Variants in PAPPA observed in about 807,000 individuals in gnomAD.
PAPPA encodes the protein pappalysin 1.
In PAPPA, 60 loss-of-function variants were observed where a neutral mutation model predicts 164.0. That is an observed-to-expected ratio of 0.37 (90% CI 0.30 to 0.45). The LOEUF (loss-of-function observed/expected upper bound fraction) is 0.45. Among genes scored for constraint, PAPPA ranks in the 20% least tolerant of loss-of-function variants. The probability of loss-of-function intolerance (pLI) is 1.00; values close to 1 mark genes in which losing one functional copy is unlikely to be tolerated. For synonymous variants in PAPPA, 875 were observed against 814.1 expected, an observed-to-expected ratio of 1.07 and a Z score of -1.27; for missense variants, 1,782 against 2,087.3, an observed-to-expected ratio of 0.85 and a Z score of 2.85.
At chr9:116,248,102 G>A (rs1373351481) in intron 7 of PAPPA, among the ~76,000 whole-genome samples, 1 of 152,194 alleles carries the variant, frequency 6.6e-6, no homozygotes, top group Non-Finnish European at 1.5e-5. Context: ...ATGTGTAAAA[G>A]GCAAACACTC....
In PAPPA at chr9:116,312,079, A is replaced by G. The variant is rs531508203; in HGVS notation, c.3147+9129A>G. Among the ~76,000 whole-genome samples the G allele has an allele frequency of 2.0e-5, 3 of 151,944 alleles. No homozygotes were observed. In the East Asian group the frequency reaches 5.8e-4, roughly 29 times the overall value. On this transcript the variant is annotated intron_variant, in intron 10 of 21. Transcript: ENST00000328252. ...ATGTAGACTAGATAAAACCCTGCCAACCCCTTCCATGGCCCATCTAGGAAG... is the reference window on the plus strand; with the variant it reads ...ATGTAGACTAGATAAAACCCTGCCAGCCCCTTCCATGGCCCATCTAGGAAG...
chr9:116,347,288 G>T lies in PAPPA; in HGVS notation c.3964+79G>T, dbSNP rs1282118724. 14 of 1,284,574 alleles carry T rather than the reference G, an allele frequency of 1.1e-5. 1 individual carries two copies. In the Middle Eastern group the frequency reaches 9.2e-4, roughly 85 times the overall value. 79.6% of individuals were successfully genotyped at this position (1,284,574 alleles called of 1,614,324 possible). ...AAGCTGCATCCAGGCCCTCTTTCTG[G>T]GTCTCAAACACCAAGGGTGGGATGG... On this transcript the variant is annotated intron_variant, in intron 15 of 21. Coordinates refer to ENST00000328252, the MANE Select transcript of PAPPA (RefSeq NM_002581.5). The surrounding 1 kb of genome is among the most constrained non-coding windows in gnomAD (Gnocchi z 4.5).
chr9:116,272,791 C>A (rs1193090734), intron 9 of PAPPA, among the ~76,000 whole-genome samples: 1 of 152,158 alleles, frequency 6.6e-6, no homozygotes, highest in East Asian at 1.9e-4. Context: ...GTGGAAAGAA[C>A]TTTGGATTAA....
intron 1 of PAPPA, among the ~76,000 whole-genome samples, chr9:116,176,829 T>C (rs558466469): frequency 2.7e-4 from 41 of 152,046 alleles, no homozygotes; most frequent in East Asian, 2.5e-3. Context: ...GAAATAAAAA[T>C]GGAGTTGACA....
At chr9:116,237,009 A>G (rs897681263) in intron 7 of PAPPA, among the ~76,000 whole-genome samples, 4 of 152,256 alleles carry the variant, frequency 2.6e-5, no homozygotes, top group Admixed American at 6.5e-5. Context: ...TGGTTTCTAT[A>G]GGCCTTTTGT....
intron 1 of PAPPA, among the ~76,000 whole-genome samples, chr9:116,160,575 ATGAG>A (rs1710538286): frequency 6.6e-6 from 1 of 152,204 alleles, no homozygotes; most frequent in Non-Finnish European, 1.5e-5. Context: ...GGTGTCTCCA[ATGAG>A]GAGAAGAGAA....
chr9:116,285,406 T>A (rs976037525), intron 9 of PAPPA, among the ~76,000 whole-genome samples: 1 of 152,076 alleles, frequency 6.6e-6, no homozygotes, highest in Non-Finnish European at 1.5e-5. Flanking sequence ...TGACCTTGTG[T>A]CCTGCCCACC....
In PAPPA at chr9:116,402,162, C is replaced by T. The variant is rs1357818525; in HGVS notation, c.*5546C>T. 1 of 152,254 alleles carries T rather than the reference C, an allele frequency of 6.6e-6. No homozygotes were observed. Among genetic ancestry groups the T allele is most frequent in the South Asian group, 2.1e-4 (1 of 4,812 alleles). 9.4% of individuals were successfully genotyped at this position (152,254 alleles called of 1,614,324 possible). ...TTTTGCTGTTCATGATATTTTTATC[C>T]TGTTCTCATGGATTTGTTTTCCCAT... On this transcript the variant is annotated 3_prime_UTR_variant, in exon 22 of 22. Coordinates refer to ENST00000328252, the MANE Select transcript of PAPPA (RefSeq NM_002581.5).
At position 116,299,661 on chromosome 9, in the gene PAPPA, A is replaced by G. The variant is rs200426729; in HGVS notation, c.2954-3096A>G. ...CAAGAGGTTGTTTTCGTCATTCTGT[A>G]GCTGTGGCATGTAGGGAGAAGATTT... On this transcript the variant is annotated intron_variant, in intron 9 of 21. Coordinates refer to ENST00000328252, the MANE Select transcript of PAPPA (RefSeq NM_002581.5). 1.4e-4 allele frequency among the ~76,000 whole-genome samples: 21 copies of G among 152,222 alleles called. No homozygotes were observed. The East Asian group carries it at 3.9e-3, about 28-fold the overall frequency.
At position 116,398,528 on chromosome 9, in the gene PAPPA, T is replaced by C; in HGVS notation, c.*1912T>C. ...AAAAATAACTTTAGGAACCACCATATTATATCACTCCCAATAGCACTGACC... is the reference window on the plus strand; with the variant it reads ...AAAAATAACTTTAGGAACCACCATACTATATCACTCCCAATAGCACTGACC... On this transcript the variant is annotated 3_prime_UTR_variant, in exon 22 of 22. Coordinates refer to ENST00000328252, the MANE Select transcript of PAPPA (RefSeq NM_002581.5). 1 of 1,253,264 alleles carries C rather than the reference T, an allele frequency of 8.0e-7. No individual in the cohort carries two copies. The highest frequency in any genetic ancestry group is 1.0e-6 in the Non-Finnish European group (1 of 968,008). The allele number at this position is 1,253,264 out of a possible 1,614,324, so 77.6% of individuals were successfully genotyped here.
At chr9:116,214,434 A>G (rs1844346528) in intron 4 of PAPPA, among the ~76,000 whole-genome samples, 1 of 152,190 alleles carries the variant, frequency 6.6e-6, no homozygotes, top group Non-Finnish European at 1.5e-5. Flanking sequence ...CAGCATCACA[A>G]AGATAAAACA....
At chr9:116,328,139 C>T (rs577981570) in intron 10 of PAPPA, among the ~76,000 whole-genome samples, 1 of 152,194 alleles carries the variant, frequency 6.6e-6, no homozygotes, top group African/African-American at 2.4e-5. Flanking sequence ...ATAAGACCCC[C>T]AATCCAGCCT....
At chr9:116,392,529 A>G (rs760794652) in intron 21 of PAPPA, among the ~76,000 whole-genome samples, 2 of 152,200 alleles carry the variant, frequency 1.3e-5, no homozygotes, top group Non-Finnish European at 2.9e-5. Context: ...TGTGTGTACA[A>G]TGGTATTCAC....
intron 1 of PAPPA, among the ~76,000 whole-genome samples, chr9:116,168,801 C>T (rs560242453): frequency 4.0e-4 from 61 of 152,302 alleles, no homozygotes; most frequent in African/African-American, 1.3e-3. Context: ...GCCAATGCAA[C>T]TCCTTATCTT....
intron 4 of PAPPA, among the ~76,000 whole-genome samples, chr9:116,212,322 T>G (rs1405437628): frequency 6.6e-6 from 1 of 152,210 alleles, no homozygotes; most frequent in Admixed American, 6.5e-5. Context: ...GTATGATTTT[T>G]TTTTTCCTAA....
intron 2 of PAPPA, among the ~76,000 whole-genome samples, chr9:116,191,836 CA>C (rs950700371): frequency 3.3e-5 from 5 of 152,082 alleles, no homozygotes; most frequent in Admixed American, 3.3e-4. Context: ...GGGCTGTTTT[CA>C]AGGAGAAGCT....
chr9:116,389,804 C>G (rs997181982), intron 21 of PAPPA, among the ~76,000 whole-genome samples: 2 of 151,364 alleles, frequency 1.3e-5, no homozygotes, highest in Non-Finnish European at 3.0e-5. Flanking sequence ...ATTTGCTTTG[C>G]CTTCTGTTTT....
At chr9:116,228,730 T>C (rs1844548090) in intron 6 of PAPPA, among the ~76,000 whole-genome samples, 1 of 152,184 alleles carries the variant, frequency 6.6e-6, no homozygotes, top group Non-Finnish European at 1.5e-5. Context: ...GAGGGATGCC[T>C]GGGGTCATCT....
chr9:116,167,107 T>A (rs181536555), intron 1 of PAPPA, among the ~76,000 whole-genome samples: 1 of 152,264 alleles, frequency 6.6e-6, no homozygotes, highest in East Asian at 1.9e-4. Flanking sequence ...TTTACATCCA[T>A]TAGAGCATTT....
Sources: allele counts gnomAD v4.1 joint callset (sites outside exome capture counted in the v4.1 genomes callset), GRCh38; gene constraint gnomAD v4.1.1; non-coding constraint Gnocchi (gnomAD v3.1); transcripts MANE v1.5; gene names NCBI Gene and HGNC (gene_info 2026-07-23, HGNC 2026-07-21).